IL12RB1: variants seen among roughly 807,000 people sequenced by gnomAD.
IL12RB1 encodes interleukin-12 receptor subunit beta-1.
IL12RB1 carries 64 observed loss-of-function variants against 94.4 expected under a neutral mutation model. The observed-to-expected ratio is 0.68, with a 90% CI of 0.55 to 0.83. The LOEUF is 0.83. IL12RB1 is among the 40% of genes least tolerant of loss of function. IL12RB1 has a pLI of 0.00. For missense variants in IL12RB1, 814 were observed against 855.6 expected (o/e 0.95, Z 0.61); for synonymous variants, 362 against 355.5 (o/e 1.02, Z -0.21).
At chr19:18,063,006 CCT>C (rs758745843) in intron 13 of IL12RB1, among the ~76,000 whole-genome samples, 41,206 of 149,822 alleles carry the variant, frequency 0.28, 7,314 homozygotes, top group Non-Finnish European at 0.39. Flanking sequence ...TCTTCCTCCT[CCT>C]CCTCCTCCTC....
chr19:18,063,076 CTAT>C (rs2034282962), intron 13 of IL12RB1, among the ~76,000 whole-genome samples: 37 of 75,106 alleles, frequency 4.9e-4, no homozygotes, highest in African/African-American at 2.2e-3. Context: ...TCTTCTTCTT[CTAT>C]TTTTTTTTTT....
In IL12RB1 at chr19:18,097,344, A is replaced by AT. The variant is rs971182060; in HGVS notation, c.-230+1410dup. Among the ~76,000 whole-genome samples, 1,214 of 148,846 alleles carry AT rather than the reference A, an allele frequency of 8.2e-3. 17 individuals carry two copies. Among genetic ancestry groups the AT allele is most frequent in the African/African-American group, 0.025 (1,034 of 40,578 alleles). ...AGGCGCGCGTCACCACCCCCAAGTA[A>AT]TTTTTTTTTTGTTTTGTTTTGGTTT... On this transcript the variant is annotated intron_variant, in intron 1 of 4. Transcript: ENST00000594176.
In IL12RB1 at chr19:18,077,645, C is replaced by A; in HGVS notation, c.420G>T (p.Glu140Asp). 1 of 1,591,512 alleles carries A rather than the reference C, an allele frequency of 6.3e-7. No homozygotes were observed. Among genetic ancestry groups the A allele is most frequent in the Non-Finnish European group, 8.6e-7 (1 of 1,159,420 alleles). The change falls in exon 5 of 17, where the codon GAG becomes GAT. Residue 140 changes from glutamate to aspartate, a missense_variant. By Grantham distance (45) the Glu-to-Asp change is conservative (BLOSUM62 2). Coordinates refer to ENST00000593993, the MANE Select transcript of IL12RB1 (RefSeq NM_005535.3). ...ACACCTTGATGTCTCCCAGAGGAGG[C>A]TCATATTTAACTGGAAGCAGAGGTA... ...TLQLYNSVKY[E>D]PPLGDIKVSK...
chr19:18,061,926 A>G (rs993303575), intron 14 of IL12RB1, among the ~76,000 whole-genome samples: 10 of 152,098 alleles, frequency 6.6e-5, no homozygotes, highest in African/African-American at 2.4e-4. Context: ...CATGCAATTA[A>G]AAGTAAGTAT....
intron 7 of IL12RB1, among the ~76,000 whole-genome samples, chr19:18,073,887 C>T (rs1008493145): frequency 6.6e-6 from 1 of 152,226 alleles, no homozygotes; most frequent in African/African-American, 2.4e-5. Flanking sequence ...TGCACTGGTG[C>T]GATCTCGGCT....
chr19:18,091,868 C>CTTT (rs1264996682), upstream of IL12RB1, among the ~76,000 whole-genome samples: 59 of 120,502 alleles, frequency 4.9e-4, no homozygotes, highest in Non-Finnish European at 9.5e-4. Flanking sequence ...CCTGGCTTTT[C>CTTT]TTTTTTTTTT....
intron 2 of IL12RB1, among the ~76,000 whole-genome samples, chr19:18,082,509 GTT>G (rs17884870): frequency 1.3e-4 from 20 of 150,766 alleles, no homozygotes; most frequent in African/African-American, 4.6e-4. Context: ...CTCCTCTGGT[GTT>G]TTTTTTTGGG....
chr19:18,066,175 T>G (rs1042882355), intron 12 of IL12RB1, among the ~76,000 whole-genome samples: 1 of 151,646 alleles, frequency 6.6e-6, no homozygotes, highest in Non-Finnish European at 1.5e-5. Context: ...TGGTACAATC[T>G]CGGCTCACTG....
At chr19:18,076,903 C>T (rs1225190432) in intron 5 of IL12RB1, among the ~76,000 whole-genome samples, 1 of 152,074 alleles carries the variant, frequency 6.6e-6, no homozygotes, top group Non-Finnish European at 1.5e-5. Flanking sequence ...AGAAAAAAGA[C>T]ATTCCTGGAA....
upstream of IL12RB1, among the ~76,000 whole-genome samples, chr19:18,090,456 C>T (rs374326): frequency 0.76 from 116,194 of 152,132 alleles, 44,609 homozygotes; most frequent in East Asian, 0.94. Context: ...GAGTCCCTCA[C>T]TTGCCTTATT....
At chr19:18,075,046 C>T (rs1431264333) in intron 7 of IL12RB1, among the ~76,000 whole-genome samples, 8 of 149,060 alleles carry the variant, frequency 5.4e-5, no homozygotes, top group African/African-American at 1.2e-4. Flanking sequence ...AGTGAGACTC[C>T]GTCTCAAAAA....
At chr19:18,087,739 C>T (rs1382037780), upstream of IL12RB1, among the ~76,000 whole-genome samples, 3 of 151,374 alleles carry the variant, frequency 2.0e-5, no homozygotes, top group Non-Finnish European at 4.4e-5. Context: ...CCAGGCTGGT[C>T]TCAAACTCCC....
intron 7 of IL12RB1, 47 bp downstream of exon 7, chr19:18,075,702 C>G: frequency 6.4e-7 from 1 of 1,572,948 alleles, no homozygotes; most frequent in Non-Finnish European, 8.7e-7. Flanking sequence ...CGGCTGTTGC[C>G]TTATTTCTAA....
At chr19:18,069,837 T>TATA in intron 9 of IL12RB1, 124 bp from the exon 10 acceptor site, 6 of 716,926 alleles carry the variant, frequency 8.4e-6, no homozygotes, top group South Asian at 1.6e-5. Flanking sequence ...GGGCCAGGGG[T>TATA]GTCTGTGTTT....
chr19:18,088,901 G>A (rs142285541), upstream of IL12RB1, among the ~76,000 whole-genome samples: 3,586 of 152,092 alleles, frequency 0.024, 132 homozygotes, highest in African/African-American at 0.081. Flanking sequence ...CTGGTGACAT[G>A]TGCCTGTAAT....
At chr19:18,063,749 C>G in intron 13 of IL12RB1, 127 bp downstream of exon 13, 2 of 840,038 alleles carry the variant, frequency 2.4e-6, no homozygotes. Context: ...TGAGCTGCTA[C>G]TTTCTCCTGA....
intron 8 of IL12RB1, among the ~76,000 whole-genome samples, chr19:18,072,896 G>A (rs560892590): frequency 2.7e-5 from 4 of 145,808 alleles, no homozygotes; most frequent in South Asian, 4.3e-4. Flanking sequence ...GTAGTGAGCC[G>A]AGATGGCGCC....
rs543893264 is a variant in IL12RB1 at position 18,092,589 on chromosome 19, G to A, written c.-229-1820C>T. On this transcript the variant is annotated intron_variant, in intron 1 of 4. Transcript: ENST00000594176. Reference sequence around the variant, plus strand: ...GGAGGCTGAGGCAGGAGAATCGCTTGAACCTGGTAGGCGGAGGTTGCAGTG... The same window carrying A: ...GGAGGCTGAGGCAGGAGAATCGCTTAAACCTGGTAGGCGGAGGTTGCAGTG... Among the ~76,000 whole-genome samples, 44 of 151,704 alleles carry A rather than the reference G, an allele frequency of 2.9e-4. No homozygotes were observed. In the South Asian group the frequency reaches 8.9e-3, roughly 31 times the overall value.
At chr19:18,087,749 C>T (rs1468718807), upstream of IL12RB1, among the ~76,000 whole-genome samples, 9 of 151,548 alleles carry the variant, frequency 5.9e-5, no homozygotes, top group Non-Finnish European at 1.2e-4. Context: ...CTCAAACTCC[C>T]GGGTTCAAAT....
Sources: gnomAD v4.1 joint callset for allele counts (sites outside exome capture counted in the v4.1 genomes callset) on GRCh38, gnomAD v4.1.1 for gene constraint, MANE v1.5 for transcripts, NCBI Gene and HGNC (gene_info 2026-07-23, HGNC 2026-07-21) for gene names.